Variants in ARHGAP28 observed in about 807,000 individuals in gnomAD.
The protein encoded by ARHGAP28 is rho GTPase-activating protein 28.
In ARHGAP28, 56 loss-of-function variants were observed where a neutral mutation model predicts 90.7. That is an observed-to-expected ratio of 0.62 (90% CI 0.50 to 0.77). The LOEUF (loss-of-function observed/expected upper bound fraction) is 0.77. Among genes scored for constraint, ARHGAP28 ranks in the 30% least tolerant of loss-of-function variants. The probability of loss-of-function intolerance (pLI) is 0.00; values close to 1 mark genes in which losing one functional copy is unlikely to be tolerated. For missense variants in ARHGAP28, 869 were observed against 900.9 expected (o/e 0.96, Z 0.45); for synonymous variants, 308 against 323.3 (o/e 0.95, Z 0.51).
At chr18:6,780,578 G>GCCAGCTACTCAC (rs2056316439) in intron 1 of ARHGAP28, among the ~76,000 whole-genome samples, 1 of 151,972 alleles carries the variant, frequency 6.6e-6, no homozygotes, top group African/African-American at 2.4e-5. Context: ...TTTAAGCAAT[G>GCCAGCTACTCAC]GAGGCTGAGA....
intron 4 of ARHGAP28, among the ~76,000 whole-genome samples, chr18:6,853,307 C>T (rs1355135566): frequency 1.3e-5 from 2 of 152,148 alleles, no homozygotes; most frequent in Non-Finnish European, 2.9e-5. Context: ...TACCCTCTAG[C>T]ATTAACATCA....
intron 12 of ARHGAP28, among the ~76,000 whole-genome samples, chr18:6,889,614 A>G (rs1318788412): frequency 1.3e-5 from 2 of 152,224 alleles, no homozygotes; most frequent in Admixed American, 1.3e-4. Context: ...CTCTTTTAGG[A>G]TAAAAGAAAA....
chr18:6,862,784 T>C (rs1600258812), intron 5 of ARHGAP28, among the ~76,000 whole-genome samples: 2 of 152,200 alleles, frequency 1.3e-5, no homozygotes, highest in African/African-American at 2.4e-5. Context: ...AGTCTTCCCA[T>C]TGAGGAATAA....
At chr18:6,896,925 T>A (rs1207742337) in intron 16 of ARHGAP28, 1 of 201,340 alleles carries the variant, frequency 5.0e-6, no homozygotes, top group Admixed American at 5.6e-5. Flanking sequence ...TTTTATTTAT[T>A]TTTTGAGATG....
intron 11 of ARHGAP28, among the ~76,000 whole-genome samples, chr18:6,882,691 A>G (rs1197414372): frequency 6.6e-6 from 1 of 152,200 alleles, no homozygotes; most frequent in Non-Finnish European, 1.5e-5. Context: ...GTGTGTGATA[A>G]TGCATCAAAA....
At chr18:6,873,985 C>A (rs1027411786) in intron 9 of ARHGAP28, among the ~76,000 whole-genome samples, 4 of 152,308 alleles carry the variant, frequency 2.6e-5, no homozygotes, top group Admixed American at 2.6e-4. Flanking sequence ...TCTTTTGGAG[C>A]CTGTTACATT....
At chr18:6,771,302 C>T (rs916936573) in intron 1 of ARHGAP28, among the ~76,000 whole-genome samples, 1 of 152,122 alleles carries the variant, frequency 6.6e-6, no homozygotes, top group East Asian at 1.9e-4. Context: ...GCCTCAGCCT[C>T]CTAAAGTGCT....
chr18:6,881,153 G>A (rs1468371786), intron 10 of ARHGAP28, among the ~76,000 whole-genome samples: 1 of 152,228 alleles, frequency 6.6e-6, no homozygotes, highest in South Asian at 2.1e-4. Context: ...GGAGCCAAGA[G>A]AGTGATTATG....
intron 10 of ARHGAP28, among the ~76,000 whole-genome samples, chr18:6,878,436 G>T (rs562951223): frequency 1.1e-4 from 17 of 151,838 alleles, no homozygotes; most frequent in African/African-American, 4.1e-4. Flanking sequence ...CATGGCACAT[G>T]TATACATATG....
intron 5 of ARHGAP28, among the ~76,000 whole-genome samples, chr18:6,867,656 G>C (rs1247669679): frequency 6.6e-6 from 1 of 151,974 alleles, no homozygotes; most frequent in Non-Finnish European, 1.5e-5. Flanking sequence ...TATTTTGTTA[G>C]TTACTATCAC....
intron 10 of ARHGAP28, among the ~76,000 whole-genome samples, chr18:6,876,843 T>C (rs984069509): frequency 1.9e-4 from 29 of 152,192 alleles, no homozygotes; most frequent in African/African-American, 6.5e-4. Context: ...CTTACTTCCA[T>C]GAGGTGGCAA....
intron 1 of ARHGAP28, among the ~76,000 whole-genome samples, chr18:6,794,514 A>G (rs2056428144): frequency 6.6e-6 from 1 of 152,234 alleles, no homozygotes; most frequent in Admixed American, 6.5e-5. Context: ...CTCACAGGAC[A>G]CTGCCTTGCC....
chr18:6,744,753 C>T (rs978526327), intron 1 of ARHGAP28, among the ~76,000 whole-genome samples: 4 of 152,156 alleles, frequency 2.6e-5, no homozygotes, highest in African/African-American at 9.6e-5. Flanking sequence ...GTAGCCTGTC[C>T]AATAAGCTGA....
intron 1 of ARHGAP28, chr18:6,788,960 T>C (rs1236053999): frequency 6.6e-6 from 1 of 152,264 alleles, no homozygotes; most frequent in Non-Finnish European, 1.5e-5. Flanking sequence ...CTCCCAACTC[T>C]ACCAACAAAG....
intron 1 of ARHGAP28, among the ~76,000 whole-genome samples, chr18:6,774,540 T>C (rs1354572269): frequency 6.6e-6 from 1 of 152,212 alleles, no homozygotes; most frequent in Admixed American, 6.5e-5. Flanking sequence ...TCTTAATAGA[T>C]GGTTAAAAAT....
chr18:6,749,371 T>C (rs928179264), intron 1 of ARHGAP28, among the ~76,000 whole-genome samples: 1 of 152,198 alleles, frequency 6.6e-6, no homozygotes, highest in African/African-American at 2.4e-5. Context: ...GGAGAGATAT[T>C]TTCCTTTACC....
chr18:6,770,399 A>G (rs920587776), intron 1 of ARHGAP28, among the ~76,000 whole-genome samples: 5 of 152,226 alleles, frequency 3.3e-5, no homozygotes, highest in Admixed American at 6.5e-5. Context: ...TTCTACAGGA[A>G]AAAGCTGACC....
At position 6,841,192 on chromosome 18, in the gene ARHGAP28, TCTCTCTCTCTCCTCTC is replaced by T. The variant is rs1314942223; in HGVS notation, c.543+3790_543+3805del. 3.0e-3 allele frequency among the ~76,000 whole-genome samples: 201 copies of T among 66,434 alleles called. 2 individuals are homozygous for T. Among genetic ancestry groups the T allele is most frequent in the Admixed American group, 5.9e-3 (39 of 6,646 alleles). The allele number at this position is 66,434 out of a possible 152,430, so 43.6% of individuals were successfully genotyped here. On this transcript the variant is annotated intron_variant, in intron 3 of 17. Coordinates refer to ENST00000383472, the MANE Select transcript of ARHGAP28 (RefSeq NM_001366230.1). ...CCTCTCTCTCTCTCCTCTCTCTCTC[TCTCTCTCTCTCCTCTC>T]CTCTCTCTCTCTCTCCCCCCAACCC...
intron 3 of ARHGAP28, among the ~76,000 whole-genome samples, chr18:6,839,395 GC>G (rs1157841436): frequency 6.7e-6 from 1 of 149,876 alleles, no homozygotes; most frequent in Non-Finnish European, 1.5e-5. Context: ...CCGGGTTCAC[GC>G]CATTCTCCCC....
Sources: gnomAD v4.1 joint callset for allele counts (sites outside exome capture counted in the v4.1 genomes callset) on GRCh38, gnomAD v4.1.1 for gene constraint, MANE v1.5 for transcripts, NCBI Gene and HGNC (gene_info 2026-07-23, HGNC 2026-07-21) for gene names.